The following RASA2 variants were observed in gnomAD, a reference collection of about 807,000 sequenced individuals.
RASA2 encodes the protein RAS p21 protein activator 2.
Under a neutral mutation model 118.2 loss-of-function variants are expected in RASA2, and 155 were observed. The observed-to-expected ratio is 1.31, with a 90% CI of 1.15 to 1.50. The LOEUF (loss-of-function observed/expected upper bound fraction) is 1.50, where lower values mean the gene tolerates loss of function less well. Ranked by LOEUF, RASA2 falls within the 40% of genes most tolerant of loss-of-function variation. The pLI is 0.00. For synonymous variants in RASA2, 353 were observed against 349.1 expected, an observed-to-expected ratio of 1.01 and a Z score of -0.12; for missense variants, 1,016 against 1,009.6, an observed-to-expected ratio of 1.01 and a Z score of -0.09.
At chr3:141,598,643 A>G (rs547379496) in intron 19 of RASA2, among the ~76,000 whole-genome samples, 1 of 152,350 alleles carries the variant, frequency 6.6e-6, no homozygotes, top group African/African-American at 2.4e-5. Flanking sequence ...ACTGAATTTA[A>G]TTTAGCAAGG....
intron 3 of RASA2, chr3:141,526,137 G>A (rs2082181203): frequency 6.6e-6 from 1 of 152,162 alleles, no homozygotes; most frequent in African/African-American, 2.4e-5. Context: ...CTGTAAGATG[G>A]TGATTATACC....
At chr3:141,494,266 A>C (rs1420958233) in intron 1 of RASA2, among the ~76,000 whole-genome samples, 1 of 152,282 alleles carries the variant, frequency 6.6e-6, no homozygotes, top group Non-Finnish European at 1.5e-5. Flanking sequence ...ATAGCAATTT[A>C]AGCTCTCACC....
At chr3:141,599,032 G>A (rs553345605) in intron 19 of RASA2, among the ~76,000 whole-genome samples, 1 of 152,184 alleles carries the variant, frequency 6.6e-6, no homozygotes, top group South Asian at 2.1e-4. Context: ...AGGTTGCAGT[G>A]AGCCGAGATC....
rs774728183 is a variant in RASA2, at chr3:141,572,712, A to C, written c.1273A>C (p.Ile425Leu). 3 of 1,600,490 alleles carry C rather than the reference A, an allele frequency of 1.9e-6. No individual in the cohort carries two copies. In the Admixed American group the frequency reaches 5.0e-5, roughly 27 times the overall value. The change falls in exon 12 of 24, where the codon ATT (isoleucine) becomes CTT (leucine). Residue 425 changes from isoleucine (I) to leucine (L), a missense_variant. Physicochemically the swap from Ile to Leu is conservative, Grantham distance 5 (BLOSUM62 2). Around this residue, in one of 2 missense-constraint regions of RASA2, gnomAD observed 896 missense variants for 836.4 expected, o/e 1.07. Transcript: ENST00000286364. ...CTACCTGAAAGTAACATTAAAACCT[A>C]TTCTTGATGAGGTACAGAATATATC... is the stretch of plus-strand genomic sequence containing the variant. ...GHYLKVTLKP[I>L]LDEICDSSKS...
chr3:141,557,059 C>G (rs1476658991), intron 7 of RASA2, among the ~76,000 whole-genome samples: 1 of 152,178 alleles, frequency 6.6e-6, no homozygotes, highest in Non-Finnish European at 1.5e-5. Flanking sequence ...ACTCACACTC[C>G]CCATTAGCCC....
At chr3:141,560,031 A>T in intron 9 of RASA2, 36 bp downstream of exon 9, 1 of 1,517,254 alleles carries the variant, frequency 6.6e-7, no homozygotes, top group African/African-American at 1.4e-5. Context: ...TCCATAGTTT[A>T]ATTCTCTTTA....
At chr3:141,605,964 A>G (rs1054108760) in intron 19 of RASA2, among the ~76,000 whole-genome samples, 1 of 152,180 alleles carries the variant, frequency 6.6e-6, no homozygotes, top group South Asian at 2.1e-4. Flanking sequence ...ACTGCTCTGC[A>G]GCCCAGTATG....
Position 141,571,473 on chromosome 3 carries a change from C to G in RASA2, c.1088C>G (p.Pro363Arg), listed in dbSNP as rs2151129725. The change falls in exon 11 of 24, where the codon CCC becomes CGC. Residue 363 changes from proline to arginine, a missense_variant. Transcript: ENST00000286364. ...ICRDKNDAVLPLVRLLLHHDK... is the reference protein window; with the variant it reads ...ICRDKNDAVLRLVRLLLHHDK... Reference sequence around the variant, plus strand: ...CGAGATAAAAATGATGCTGTTTTGCCCCTTGTACGACTGCTGCTGCACCAT... The same window carrying G: ...CGAGATAAAAATGATGCTGTTTTGCGCCTTGTACGACTGCTGCTGCACCAT... The G allele has an allele frequency of 1.2e-6, 2 of 1,613,386 alleles. No homozygotes were observed. The highest frequency in any genetic ancestry group is 1.7e-6 in the Non-Finnish European group (2 of 1,179,590).
Position 141,580,336 on chromosome 3 carries a change from T to C in RASA2, c.1591-32T>C, listed in dbSNP as rs375052931. On this transcript the variant is annotated intron_variant, in intron 15 of 23. Coordinates refer to ENST00000286364, the MANE Select transcript of RASA2 (RefSeq NM_006506.5). The stretch of plus-strand genomic sequence containing the variant: ...TTATACAAACTATTTTCTTGAAAAC[T>C]TAGTAGTTTTGGTCTTTTTTACATT... 22 of 1,479,498 alleles carry C rather than the reference T, an allele frequency of 1.5e-5. No homozygotes were observed. In the African/African-American group the frequency reaches 2.8e-4, roughly 19 times the overall value. The allele number at this position is 1,479,498 out of a possible 1,614,324, so 91.6% of individuals were successfully genotyped here.
intron 20 of RASA2, 56 bp downstream of exon 20, chr3:141,607,816 A>G (rs1357155444): frequency 2.7e-6 from 4 of 1,466,132 alleles, no homozygotes; most frequent in Non-Finnish European, 2.7e-6. Context: ...TTACTTAAGT[A>G]TTTGTATTTC....
chr3:141,543,601 A>G (rs952037333), intron 5 of RASA2, among the ~76,000 whole-genome samples: 19 of 151,874 alleles, frequency 1.3e-4, no homozygotes, highest in African/African-American at 4.6e-4. Context: ...TTGGTGATAC[A>G]TTCTCTTGGT....
intron 17 of RASA2, among the ~76,000 whole-genome samples, chr3:141,581,846 G>A (rs1284564734): frequency 6.6e-6 from 1 of 152,144 alleles, no homozygotes; most frequent in Non-Finnish European, 1.5e-5. Context: ...ACTGTACTTA[G>A]AAGTTCAGAA....
At chr3:141,573,396 T>C (rs1186979058) in intron 13 of RASA2, among the ~76,000 whole-genome samples, 175 bp downstream of exon 13, 1 of 152,214 alleles carries the variant, frequency 6.6e-6, no homozygotes, top group Admixed American at 6.5e-5. Context: ...TAGAATGTTA[T>C]TTCCTCAGTG....
At chr3:141,582,901 G>A (rs576212971) in intron 17 of RASA2, among the ~76,000 whole-genome samples, 1 of 152,266 alleles carries the variant, frequency 6.6e-6, no homozygotes, top group South Asian at 2.1e-4. Context: ...GGATAACCTG[G>A]ATAGTTCTAT....
At chr3:141,495,529 T>G (rs557008310) in intron 1 of RASA2, among the ~76,000 whole-genome samples, 1 of 152,304 alleles carries the variant, frequency 6.6e-6, no homozygotes, top group South Asian at 2.1e-4. Flanking sequence ...GAAATAAAAT[T>G]TTAAAACATC....
intron 1 of RASA2, among the ~76,000 whole-genome samples, chr3:141,502,969 C>T (rs2081806198): frequency 6.6e-6 from 1 of 152,176 alleles, no homozygotes; most frequent in Non-Finnish European, 1.5e-5. Context: ...AATAGAAAGA[C>T]TCTAGGCTTT....
chr3:141,488,754 CTAATT>C (rs1389837851), intron 1 of RASA2, among the ~76,000 whole-genome samples: 2 of 152,110 alleles, frequency 1.3e-5, no homozygotes, highest in African/African-American at 2.4e-5. Context: ...TTGCATATAT[CTAATT>C]TAACATTTGG....
intron 1 of RASA2, among the ~76,000 whole-genome samples, chr3:141,509,373 G>A (rs184153340): frequency 4.6e-5 from 7 of 152,342 alleles, no homozygotes; most frequent in Admixed American, 2.0e-4. Flanking sequence ...TTAAGAGGGA[G>A]AGGGAAGTAG....
chr3:141,560,789 C>T (rs1440605931), intron 9 of RASA2, among the ~76,000 whole-genome samples: 4 of 152,064 alleles, frequency 2.6e-5, no homozygotes, highest in Non-Finnish European at 5.9e-5. Context: ...TCTCATTTGC[C>T]TTTTAAGGAG....
Sources: gnomAD v4.1 joint callset for allele counts (sites outside exome capture counted in the v4.1 genomes callset) on GRCh38, gnomAD v4.1.1 for gene constraint, gnomAD v4.1.1 regional missense constraint, MANE v1.5 for transcripts, NCBI Gene and HGNC (gene_info 2026-07-23, HGNC 2026-07-21) for gene names.